Variants in HEATR4 observed in about 807,000 individuals in gnomAD.
HEATR4 encodes HEAT repeat containing 4.
Under a neutral mutation model 108.8 loss-of-function variants are expected in HEATR4, and 95 were observed. The observed-to-expected ratio is 0.87, with a 90% confidence interval of 0.74 to 1.04. HEATR4 has a LOEUF of 1.04. Ranked by LOEUF, HEATR4 falls within the 50% of genes least tolerant of loss-of-function variation. The pLI, the probability that HEATR4 is intolerant of heterozygous loss-of-function variation, is 0.00. For synonymous variants in HEATR4, 443 were observed against 459.4 expected (o/e 0.96, Z 0.46); for missense variants, 1,152 against 1,253.8 (o/e 0.92, Z 1.23).
At chr14:73,493,032 T>G in intron 17 of HEATR4, 34 bp downstream of exon 17, 1 of 1,600,750 alleles carries the variant, frequency 6.2e-7, no homozygotes. Context: ...ACTCACGTTC[T>G]TACCTTGATA....
intron 17 of HEATR4, chr14:73,491,940 T>G (rs775573262): frequency 6.2e-7 from 1 of 1,613,706 alleles, no homozygotes; most frequent in Non-Finnish European, 8.5e-7. Flanking sequence ...TCTACTACTG[T>G]GTGGCAGTTT....
the HEATR4 span, among the ~76,000 whole-genome samples, chr14:73,565,099 T>TA: frequency 6.6e-6 from 1 of 152,030 alleles, no homozygotes; most frequent in Non-Finnish European, 1.5e-5. Context: ...TTTTCTCTAT[T>TA]AAAATGATAT....
the HEATR4 span, among the ~76,000 whole-genome samples, chr14:73,594,208 G>A: frequency 4.6e-5 from 7 of 152,134 alleles, no homozygotes; most frequent in African/African-American, 7.2e-5. Context: ...TGGTGTCAGA[G>A]TATGTTCTCA....
chr14:73,483,180 G>A (rs1173243057), intron 17 of HEATR4, among the ~76,000 whole-genome samples: 2 of 152,086 alleles, frequency 1.3e-5, no homozygotes, highest in Non-Finnish European at 2.9e-5. Flanking sequence ...GTTTCCCAGG[G>A]GAGTGTGGGT....
intron 15 of HEATR4, 144 bp downstream of exon 15, chr14:73,496,457 A>G (rs1264261127): frequency 3.4e-6 from 2 of 595,466 alleles, no homozygotes; most frequent in Non-Finnish European, 6.0e-6. Context: ...TGCATCTTCA[A>G]ATGATGTGGC....
chr14:73,627,437 A>T, the HEATR4 span, among the ~76,000 whole-genome samples: 1 of 152,094 alleles, frequency 6.6e-6, no homozygotes, highest in Admixed American at 6.6e-5. Flanking sequence ...GGTTTTCAGA[A>T]CTTCTGACTA....
chr14:73,562,474 C>T (rs929215193), upstream of HEATR4, among the ~76,000 whole-genome samples: 3 of 151,876 alleles, frequency 2.0e-5, no homozygotes, highest in African/African-American at 4.8e-5. Context: ...AGAATAACAG[C>T]GATTTTTATG....
chr14:73,614,502 G>A, the HEATR4 span, among the ~76,000 whole-genome samples: 1 of 151,988 alleles, frequency 6.6e-6, no homozygotes, highest in Non-Finnish European at 1.5e-5. Flanking sequence ...CACTTTGGGA[G>A]GCTGAGGTGG....
At chr14:73,617,037 G>A in the HEATR4 span, 2 of 981,228 alleles carry the variant, frequency 2.0e-6, no homozygotes, top group South Asian at 1.3e-5. Flanking sequence ...GAGCAGCAGG[G>A]GCCTTTGTGA....
the HEATR4 span, chr14:73,569,832 C>T: frequency 3.8e-6 from 6 of 1,598,488 alleles, 1 homozygote; most frequent in Non-Finnish European, 5.1e-6. Context: ...CGGGGTGCGG[C>T]GCGAGCCGGT....
At chr14:73,570,195 G>A in the HEATR4 span, among the ~76,000 whole-genome samples, 1 of 151,688 alleles carries the variant, frequency 6.6e-6, no homozygotes, top group South Asian at 2.1e-4. Context: ...AAAGAAACAG[G>A]AATGGAATGG....
intron 11 of HEATR4, among the ~76,000 whole-genome samples, chr14:73,501,697 C>T (rs1371663688): frequency 6.6e-6 from 1 of 151,594 alleles, no homozygotes; most frequent in Admixed American, 6.6e-5. Context: ...GCCTCAGCCT[C>T]CCAAGTAGCT....
upstream of HEATR4, among the ~76,000 whole-genome samples, chr14:73,561,467 T>G (rs1889530851): frequency 6.6e-6 from 1 of 151,878 alleles, no homozygotes; most frequent in Non-Finnish European, 1.5e-5. Flanking sequence ...GCGGACAGAT[T>G]ACTCAAGGTC....
At chr14:73,506,134 C>A (rs563450275) in intron 10 of HEATR4, among the ~76,000 whole-genome samples, 1 of 152,172 alleles carries the variant, frequency 6.6e-6, no homozygotes. Context: ...CGTGATCCGC[C>A]TGCCTTGGCC....
At chr14:73,572,488 T>C in the HEATR4 span, among the ~76,000 whole-genome samples, 1 of 151,632 alleles carries the variant, frequency 6.6e-6, no homozygotes, top group Non-Finnish European at 1.5e-5. Flanking sequence ...ATAATCTAAG[T>C]GGTAATACTA....
chr14:73,625,673 A>G, the HEATR4 span, among the ~76,000 whole-genome samples: 1 of 152,088 alleles, frequency 6.6e-6, no homozygotes, highest in Non-Finnish European at 1.5e-5. Flanking sequence ...TTTCATTATT[A>G]TTATATCTGT....
the HEATR4 span, among the ~76,000 whole-genome samples, chr14:73,615,806 C>T: frequency 6.6e-6 from 1 of 152,068 alleles, no homozygotes; most frequent in Non-Finnish European, 1.5e-5. Flanking sequence ...AATCCCAGCA[C>T]TTGAAGAGGC....
At chr14:73,590,545 G>A in the HEATR4 span, among the ~76,000 whole-genome samples, 1 of 152,250 alleles carries the variant, frequency 6.6e-6, no homozygotes, top group Non-Finnish European at 1.5e-5. Flanking sequence ...AGCTCGTTGA[G>A]GAGGCTCGGA....
At chr14:73,568,693 G>A in the HEATR4 span, among the ~76,000 whole-genome samples, 2 of 152,018 alleles carry the variant, frequency 1.3e-5, no homozygotes, top group Admixed American at 6.6e-5. Flanking sequence ...GCTGAGGCGG[G>A]CGGATTACAA....
Sources: allele counts gnomAD v4.1 joint callset (sites outside exome capture counted in the v4.1 genomes callset), GRCh38; gene constraint gnomAD v4.1.1; transcripts MANE v1.5; gene names NCBI Gene and HGNC (gene_info 2026-07-23, HGNC 2026-07-21).